The following DNAI2 variants were observed in gnomAD, a reference collection of about 807,000 sequenced individuals.
The protein encoded by DNAI2 is dynein axonemal intermediate chain 2.
In DNAI2, 63 loss-of-function variants were observed where a neutral mutation model predicts 74.7. That is an observed-to-expected ratio of 0.84 (90% CI 0.69 to 1.04). The LOEUF (loss-of-function observed/expected upper bound fraction) is 1.04, where lower values mean the gene tolerates loss of function less well. Among genes scored for constraint, DNAI2 ranks in the 50% least tolerant of loss-of-function variants. DNAI2 has a pLI of 0.00. For missense variants in DNAI2, 688 were observed against 803.2 expected (o/e 0.86, Z 1.73); for synonymous variants, 289 against 314.9 (o/e 0.92, Z 0.87).
intron 1 of DNAI2, among the ~76,000 whole-genome samples, chr17:74,279,845 G>A (rs1233572930): frequency 6.6e-6 from 1 of 152,146 alleles, no homozygotes; most frequent in Non-Finnish European, 1.5e-5. Flanking sequence ...CTTGGGCGTT[G>A]AAAGGCCTTT....
chr17:74,287,154 C>T (rs372777336), intron 4 of DNAI2, 56 bp downstream of exon 4: 30 of 1,603,806 alleles, frequency 1.9e-5, no homozygotes, highest in East Asian at 6.8e-5. Flanking sequence ...CATGCATGGG[C>T]GCCTCCAAAG....
intron 4 of DNAI2, 60 bp from the exon 5 acceptor site, chr17:74,289,534 A>AG (rs988796867): frequency 3.4e-5 from 50 of 1,452,434 alleles, no homozygotes; most frequent in Non-Finnish European, 4.6e-5. Flanking sequence ...AAAAAAAAAA[A>AG]GGGGGAGAAA....
chr17:74,283,053 T>TTTTG (rs2051486766), intron 2 of DNAI2, among the ~76,000 whole-genome samples: 1 of 151,500 alleles, frequency 6.6e-6, no homozygotes, highest in Non-Finnish European at 1.5e-5. Flanking sequence ...TCCAGACTTG[T>TTTTG]TTTGTTTTGT....
chr17:74,281,125 G>A (rs113161351), intron 1 of DNAI2, among the ~76,000 whole-genome samples: 12,878 of 146,056 alleles, frequency 0.088, 731 homozygotes, highest in Admixed American at 0.13. Context: ...AACAAAAGAC[G>A]AAAACTGTAT....
At chr17:74,310,614 C>T (rs974927172) in intron 11 of DNAI2, among the ~76,000 whole-genome samples, 2 of 151,924 alleles carry the variant, frequency 1.3e-5, no homozygotes, top group South Asian at 4.1e-4. Context: ...TCTAGGCTCA[C>T]TGCAATCTCT....
intron 1 of DNAI2, among the ~76,000 whole-genome samples, chr17:74,280,625 T>C (rs942901815): frequency 6.6e-6 from 1 of 151,930 alleles, no homozygotes; most frequent in Admixed American, 6.6e-5. Context: ...TTTTGGACAA[T>C]TGGGTGGGGA....
intron 9 of DNAI2, among the ~76,000 whole-genome samples, chr17:74,305,670 C>CT (rs4007906): frequency 0.039 from 4,781 of 122,224 alleles, 126 homozygotes; most frequent in African/African-American, 0.054. Context: ...ATTTTATTTC[C>CT]TTTTTTTTTT....
rs2053428036 is a variant in DNAI2 at position 74,310,108 on chromosome 17, A to G, written c.1439A>G (p.Glu480Gly). Residue 480 changes from glutamate (E) to glycine (G), a missense_variant, in exon 11 of 14, where the codon GAG (glutamate) becomes GGG (glycine). Transcript: ENST00000311014. ...GSQLGTTTLL[E>G]VSPGLSTLQR... ...CAGCTGGGGACAACCACCCTGCTGG[A>G]GGTCTCGCCTGGGCTCTCTACCCTC... The G allele has an allele frequency of 6.2e-7, 1 of 1,613,666 alleles. No individual in the cohort carries two copies. The highest frequency in any genetic ancestry group is 1.1e-5 in the South Asian group (1 of 91,090).
Position 74,294,194 on chromosome 17 carries a change from G to T in DNAI2, c.724+3061G>T, listed in dbSNP as rs570346486. On this transcript the variant is annotated intron_variant, in intron 6 of 13. Transcript: ENST00000311014. ...TGATAAAGTTTACATCTGCCATTTT[G>T]CTTTTTTTTCCTATATGTCTTACAT... Among the ~76,000 whole-genome samples the T allele has an allele frequency of 1.7e-4, 26 of 151,494 alleles. 1 individual carries two copies. The South Asian group carries it at 3.6e-3, about 21-fold the overall frequency.
chr17:74,291,938 A>G (rs1054314736), intron 6 of DNAI2, among the ~76,000 whole-genome samples: 2 of 151,170 alleles, frequency 1.3e-5, no homozygotes, highest in Non-Finnish European at 2.9e-5. Flanking sequence ...GTCTCAGCTC[A>G]CTGCAGCCTC....
Position 74,312,060 on chromosome 17 carries a change from C to A in DNAI2, c.1552C>A (p.Arg518=), listed in dbSNP as rs377582813. 6.2e-7 allele frequency: 1 copy of A among 1,612,412 alleles called. No homozygotes were observed. Among genetic ancestry groups the A allele is most frequent in the Non-Finnish European group, 8.5e-7 (1 of 1,179,802 alleles). ...CCTGGAGGCCAGGCACCGGGAGATG[C>A]GGCTGAAGGAGAAGGGTAAGGCGGA... ...KILEARHREM[R]LKEKGKAEGR... The change falls in exon 12 of 14, where the codon CGG becomes AGG. Residue 518 remains arginine (R), a synonymous_variant. Transcript: ENST00000311014.
intron 3 of DNAI2, 26 bp from the exon 4 acceptor site, chr17:74,286,951 G>A (rs1567847034): frequency 6.2e-7 from 1 of 1,613,582 alleles, no homozygotes; most frequent in East Asian, 2.2e-5. Context: ...ATTTACTGCG[G>A]AGAACTTCCA....
intron 10 of DNAI2, 95 bp from the exon 11 acceptor site, chr17:74,309,922 G>A: frequency 6.5e-7 from 1 of 1,541,070 alleles, no homozygotes; most frequent in Non-Finnish European, 9.0e-7. Flanking sequence ...TTTGAATAGG[G>A]CCAAGTGGCT....
At chr17:74,277,300 G>A (rs1567834778) in intron 1 of DNAI2, among the ~76,000 whole-genome samples, 1 of 150,010 alleles carries the variant, frequency 6.7e-6, no homozygotes, top group African/African-American at 2.5e-5. Flanking sequence ...CAGGAGAATC[G>A]CTTGCACCCG....
rs1263230016 is a variant in DNAI2, at chr17:74,289,638, A to G, written c.512A>G (p.His171Arg). ...IKRAATHLSW[H>R]PDGNRKLAVA... ...AGGGCTGCCACACACCTCTCCTGGC[A>G]CCCCGATGGCAACAGGAAGTTGGCA... The change falls in exon 5 of 14, where the codon CAC (histidine) becomes CGC (arginine). Residue 171 changes from histidine to arginine, a missense_variant. Physicochemically the swap from His to Arg is conservative, Grantham distance 29 (BLOSUM62 0). Transcript: ENST00000311014. The G allele has an allele frequency of 6.2e-7, 1 of 1,613,874 alleles. No homozygotes were observed. Among genetic ancestry groups the G allele is most frequent in the South Asian group, 1.1e-5 (1 of 91,058 alleles).
rs769348811 is a variant in DNAI2 at position 74,311,979 on chromosome 17, C to G, written c.1495-24C>G. The G allele has an allele frequency of 5.6e-6, 9 of 1,609,792 alleles. No individual in the cohort carries two copies. In the South Asian group the frequency reaches 9.9e-5, roughly 18 times the overall value. On this transcript the variant is annotated intron_variant, in intron 11 of 13. Coordinates refer to ENST00000311014, the MANE Select transcript of DNAI2 (RefSeq NM_023036.6). ...GCCATCCTGCCCTCTCCCCACCGGGCTCTCTCTGTCCCTGGGTGCCCAGAT... is the reference window on the plus strand; with the variant it reads ...GCCATCCTGCCCTCTCCCCACCGGGGTCTCTCTGTCCCTGGGTGCCCAGAT...
rs747934977 is a variant in DNAI2 at position 74,281,813 on chromosome 17, G to T, written c.-5G>T. The T allele has an allele frequency of 6.2e-7, 1 of 1,613,632 alleles. No individual in the cohort carries two copies. Among genetic ancestry groups the T allele is most frequent in the Non-Finnish European group, 8.5e-7 (1 of 1,180,006 alleles). Reference sequence around the variant, plus strand: ...CCCTCCCTCTGCCCCCCAGCAGCCGGCACCATGGAGATTGTGTACGTGTAC... The same window carrying T: ...CCCTCCCTCTGCCCCCCAGCAGCCGTCACCATGGAGATTGTGTACGTGTAC... On this transcript the variant is annotated 5_prime_UTR_variant, in exon 2 of 14. Coordinates refer to ENST00000311014, the MANE Select transcript of DNAI2 (RefSeq NM_023036.6).
intron 12 of DNAI2, 149 bp from the exon 13 acceptor site, chr17:74,313,972 G>T (rs930559996): frequency 2.3e-6 from 3 of 1,295,680 alleles, no homozygotes; most frequent in Middle Eastern, 2.6e-4. Flanking sequence ...CTCACCAGCC[G>T]CAGAGCTGGC....
intron 1 of DNAI2, among the ~76,000 whole-genome samples, chr17:74,279,121 C>T (rs979850342): frequency 1.8e-4 from 27 of 152,034 alleles, no homozygotes; most frequent in African/African-American, 6.0e-4. Context: ...GAGCTGAGAT[C>T]GTGCCACTGC....
Sources: gnomAD v4.1 joint callset for allele counts (sites outside exome capture counted in the v4.1 genomes callset) on GRCh38, gnomAD v4.1.1 for gene constraint, MANE v1.5 for transcripts, NCBI Gene and HGNC (gene_info 2026-07-23, HGNC 2026-07-21) for gene names.